BUB1B: variants seen among roughly 807,000 people sequenced by gnomAD.
BUB1B encodes the protein mitotic checkpoint serine/threonine-protein kinase BUB1 beta.
Under a neutral mutation model 137.7 loss-of-function variants are expected in BUB1B, and 86 were observed. The observed-to-expected ratio is 0.62, with a 90% CI of 0.52 to 0.75. The LOEUF is 0.75. Ranked by LOEUF, BUB1B falls within the 30% of genes least tolerant of loss-of-function variation. The probability of loss-of-function intolerance (pLI) is 0.00; values close to 1 mark genes in which losing one functional copy is unlikely to be tolerated. For synonymous variants in BUB1B, 420 were observed against 417.9 expected (o/e 1.00, Z -0.06); for missense variants, 1,130 against 1,236.9 (o/e 0.91, Z 1.30).
At chr15:40,212,756 C>A in intron 19 of BUB1B, 108 bp downstream of exon 19, 2 of 995,304 alleles carry the variant, frequency 2.0e-6, no homozygotes, top group Non-Finnish European at 1.5e-6. Flanking sequence ...AGAAATAGAC[C>A]AATTCAAGTA....
chr15:40,213,168 G>A (rs183608893), intron 19 of BUB1B, among the ~76,000 whole-genome samples, 164 bp from the exon 20 acceptor site: 1 of 152,296 alleles, frequency 6.6e-6, no homozygotes, highest in Admixed American at 6.5e-5. Context: ...TCTTATGGGA[G>A]ATGGCAGTGT....
At position 40,220,936 on chromosome 15, in the gene BUB1B, C is replaced by T. The variant is rs2037897605; in HGVS notation, c.*177C>T. On this transcript the variant is annotated 3_prime_UTR_variant, in exon 23 of 23. Transcript: ENST00000287598. The stretch of plus-strand genomic sequence containing the variant: ...CTGATATTTTTTATACAGTGATATA[C>T]TTACTCATGGCCTTGTCTAACTTTT... 1.6e-5 allele frequency: 11 copies of T among 686,150 alleles called. No homozygotes were observed. The highest frequency in any genetic ancestry group is 1.1e-4 in the Admixed American group (5 of 44,478). The allele number at this position is 686,150 out of a possible 1,614,324, so 42.5% of individuals were successfully genotyped here. A position where few individuals can be genotyped will look rare whatever the true frequency, so the allele number is the denominator to read the frequency against.
Position 40,215,341 on chromosome 15 carries a change from G to A in BUB1B, c.2678+1867G>A, listed in dbSNP as rs578132599. On this transcript the variant is annotated intron_variant, in intron 20 of 22. Transcript: ENST00000287598. Reference sequence around the variant, plus strand: ...TACAAAATTAGCCAGGTATGGTGGTGCATGCCTGTAATCCCAGCTACTTGG... The same window carrying A: ...TACAAAATTAGCCAGGTATGGTGGTACATGCCTGTAATCCCAGCTACTTGG... Among the ~76,000 whole-genome samples the A allele has an allele frequency of 2.0e-4, 30 of 152,146 alleles. No individual in the cohort carries two copies. In the South Asian group the frequency reaches 6.2e-3, roughly 32 times the overall value.
chr15:40,190,124 C>G (rs972495088), intron 8 of BUB1B, among the ~76,000 whole-genome samples: 1 of 152,104 alleles, frequency 6.6e-6, no homozygotes, highest in African/African-American at 2.4e-5. Flanking sequence ...TTGATAGTAC[C>G]AAACCATTTA....
chr15:40,178,562 A>C (rs2037247798), intron 5 of BUB1B, among the ~76,000 whole-genome samples: 1 of 152,110 alleles, frequency 6.6e-6, no homozygotes, highest in African/African-American at 2.4e-5. Flanking sequence ...TATTCTGTAA[A>C]TATAATTTAG....
intron 2 of BUB1B, among the ~76,000 whole-genome samples, chr15:40,168,932 C>G (rs987958574): frequency 6.6e-6 from 1 of 152,200 alleles, no homozygotes. Context: ...TGACTTAAAG[C>G]CTTTACTATC....
chr15:40,205,427 G>A (rs1003457659), intron 14 of BUB1B, among the ~76,000 whole-genome samples: 2 of 152,128 alleles, frequency 1.3e-5, no homozygotes, highest in Admixed American at 6.5e-5. Context: ...ATGTAAAGTG[G>A]TATAATCTCT....
Position 40,221,081 on chromosome 15 carries a change from G to C in BUB1B, c.*322G>C, listed in dbSNP as rs2037900311. ...TGTAATTTGTAAAATGTTCTCTTAT[G>C]ATCACCATGTATTTTGTAAATAATA... On this transcript the variant is annotated 3_prime_UTR_variant, in exon 23 of 23. Coordinates refer to ENST00000287598, the MANE Select transcript of BUB1B (RefSeq NM_001211.6). The C allele has an allele frequency of 1.8e-5, 7 of 385,672 alleles. No homozygotes were observed. Among genetic ancestry groups the C allele is most frequent in the Non-Finnish European group, 1.4e-5 (3 of 209,682 alleles). 23.9% of individuals were successfully genotyped at this position (385,672 alleles called of 1,614,324 possible).
rs1172478712 is a variant in BUB1B, at chr15:40,213,380, A to G, written c.2584A>G (p.Ile862Val). The change falls in exon 20 of 23, where the codon ATT becomes GTT. Residue 862 changes from isoleucine (I) to valine (V), a missense_variant. Ile to Val is a conservative substitution (Grantham distance 29, BLOSUM62 3). Coordinates refer to ENST00000287598, the MANE Select transcript of BUB1B (RefSeq NM_001211.6). ...EYITHEITVLIIYNLLTIVEM... is the reference protein window; with the variant it reads ...EYITHEITVLVIYNLLTIVEM... Reference sequence around the variant, plus strand: ...TATTACCCATGAAATAACAGTGTTGATTATTTATAACCTTTTGACAATAGT... The same window carrying G: ...TATTACCCATGAAATAACAGTGTTGGTTATTTATAACCTTTTGACAATAGT... The G allele has an allele frequency of 6.2e-7, 1 of 1,613,686 alleles. No homozygotes were observed.
In BUB1B at chr15:40,181,693, T is replaced by C. The variant is rs78525658; in HGVS notation, c.582-2021T>C. ...TCAGATTGGCCCATTTTTATTGCTC[T>C]GTCTTCAGGTTCACTTATTCTTTTC... On this transcript the variant is annotated intron_variant, in intron 5 of 22. Coordinates refer to ENST00000287598, the MANE Select transcript of BUB1B (RefSeq NM_001211.6). Among the ~76,000 whole-genome samples, 553 of 152,342 alleles carry C rather than the reference T, an allele frequency of 3.6e-3. 16 individuals carry two copies. In the East Asian group the frequency reaches 0.062, roughly 17 times the overall value.
At position 40,210,141 on chromosome 15, in the gene BUB1B, C is replaced by A; in HGVS notation, c.2316C>A (p.Tyr772Ter). The A allele has an allele frequency of 1.2e-6, 2 of 1,612,054 alleles. No individual in the cohort carries two copies. Residue 772 changes from tyrosine (Y) to a stop codon, truncating the protein, a stop_gained, in exon 18 of 23, where the codon TAC (tyrosine) becomes TAA (stop). Transcript: ENST00000287598. LOFTEE classifies it high-confidence loss of function. ...GNEDYCIKRE[Y>*]LICEDYKLFW... ...AGGATTACTGCATTAAACGAGAATA[C>A]CTAATATGTGAAGATTACAAGTTAT...
At position 40,206,438 on chromosome 15, in the gene BUB1B, T is replaced by C; in HGVS notation, c.1989T>C (p.Thr663=). ...CTTGTGGCACTATCTACAGTCAGAC[T>C]CTCAGCATCAAGAAGCTGAGGTGAT... ...QTACGTIYSQ[T]LSIKKLSPII... Residue 663 remains threonine (T), a synonymous_variant, in exon 15 of 23, where the codon ACT becomes ACC. Transcript: ENST00000287598. 1 of 1,614,202 alleles carries C rather than the reference T, an allele frequency of 6.2e-7. No homozygotes were observed. Among genetic ancestry groups the C allele is most frequent in the South Asian group, 1.1e-5 (1 of 91,088 alleles).
At chr15:40,197,785 T>C (rs181204869) in intron 9 of BUB1B, among the ~76,000 whole-genome samples, 46 of 152,256 alleles carry the variant, frequency 3.0e-4, no homozygotes, top group Non-Finnish European at 5.7e-4. Context: ...TCCAAGATTG[T>C]CAAAAGTGCT....
At chr15:40,175,974 G>C (rs1053991842) in intron 4 of BUB1B, among the ~76,000 whole-genome samples, 1 of 151,724 alleles carries the variant, frequency 6.6e-6, no homozygotes, top group African/African-American at 2.4e-5. Flanking sequence ...TTAGAGACAG[G>C]GTCTCACTCT....
rs113233521 is a variant in BUB1B at position 40,212,793 on chromosome 15, C to T, written c.2535+145C>T. 5.7e-4 allele frequency: 473 copies of T among 828,988 alleles called. 1 individual carries two copies. In the African/African-American group the frequency reaches 6.9e-3, roughly 12 times the overall value. The allele number at this position is 828,988 out of a possible 1,614,324, so 51.4% of individuals were successfully genotyped here. A position where few individuals can be genotyped will look rare whatever the true frequency, so the allele number is the denominator to read the frequency against. ...AAGTTAGAAGCATTGATAATTTTCT[C>T]GTTATTTTGACCAAAGATCTCTTTG... is the stretch of plus-strand genomic sequence containing the variant. On this transcript the variant is annotated intron_variant, in intron 19 of 22. Coordinates refer to ENST00000287598, the MANE Select transcript of BUB1B (RefSeq NM_001211.6).
intron 1 of BUB1B, among the ~76,000 whole-genome samples, chr15:40,164,412 A>G (rs771221277): frequency 2.6e-5 from 4 of 151,966 alleles, no homozygotes; most frequent in African/African-American, 4.8e-5. Flanking sequence ...CTTTTTGTAG[A>G]GATGGGGGTC....
rs934893899 is a variant in BUB1B at position 40,161,083 on chromosome 15, G to C, written c.-138G>C. The C allele has an allele frequency of 1.7e-6, 2 of 1,171,368 alleles. No individual in the cohort carries two copies. The highest frequency in any genetic ancestry group is 3.1e-5 in the African/African-American group (2 of 64,480). 72.6% of individuals were successfully genotyped at this position (1,171,368 alleles called of 1,614,324 possible). A position where few individuals can be genotyped will look rare whatever the true frequency, so the allele number is the denominator to read the frequency against. Reference sequence around the variant, plus strand: ...CGGCTAGGGGTGTGGGCTTGAGGTGGCCGGTTTGTTAGGGAGTCGTGTACG... The same window carrying C: ...CGGCTAGGGGTGTGGGCTTGAGGTGCCCGGTTTGTTAGGGAGTCGTGTACG... On this transcript the variant is annotated 5_prime_UTR_variant, in exon 1 of 23. Transcript: ENST00000287598.
intron 14 of BUB1B, 147 bp downstream of exon 14, chr15:40,202,841 A>C: frequency 6.7e-6 from 5 of 743,872 alleles, no homozygotes; most frequent in Non-Finnish European, 1.2e-5. Context: ...AGGGAAATGC[A>C]AATCAAAACC....
intron 8 of BUB1B, among the ~76,000 whole-genome samples, chr15:40,193,672 G>A (rs1351996532): frequency 2.0e-5 from 3 of 151,742 alleles, no homozygotes; most frequent in Non-Finnish European, 2.9e-5. Context: ...ACTTTGGAAG[G>A]TGAGGCAGGT....
Sources: gnomAD v4.1 joint callset for allele counts (sites outside exome capture counted in the v4.1 genomes callset) on GRCh38, gnomAD v4.1.1 for gene constraint, MANE v1.5 for transcripts, NCBI Gene and HGNC (gene_info 2026-07-23, HGNC 2026-07-21) for gene names.